ENTPD7: variants seen among roughly 807,000 people sequenced by gnomAD.
The protein encoded by ENTPD7 is NTPDase 7.
In ENTPD7, 53 loss-of-function variants were observed where a neutral mutation model predicts 77.9. The observed-to-expected ratio is 0.68, with a 90% confidence interval of 0.55 to 0.85. The LOEUF is 0.85. Among genes scored for constraint, ENTPD7 ranks in the 40% least tolerant of loss-of-function variants. The pLI is 0.00. For missense variants in ENTPD7, 636 were observed against 743.7 expected, an observed-to-expected ratio of 0.86 and a Z score of 1.68; for synonymous variants, 248 against 274.9, an observed-to-expected ratio of 0.90 and a Z score of 0.97.
intron 7 of ENTPD7, among the ~76,000 whole-genome samples, chr10:99,690,454 C>G (rs980323839): frequency 1.3e-5 from 2 of 151,944 alleles, no homozygotes; most frequent in Non-Finnish European, 2.9e-5. Context: ...GATTTTTATA[C>G]CTATATCCTT....
chr10:99,691,292 G>A (rs971605659), intron 7 of ENTPD7, 93 bp from the exon 8 acceptor site: 8 of 1,379,696 alleles, frequency 5.8e-6, no homozygotes, highest in South Asian at 1.4e-5. Context: ...GCACCTGCCT[G>A]CTTTCAAATT....
intron 3 of ENTPD7, among the ~76,000 whole-genome samples, chr10:99,663,980 G>A (rs965335997): frequency 1.3e-5 from 2 of 151,444 alleles, no homozygotes; most frequent in African/African-American, 4.9e-5. Flanking sequence ...TTTTCTCTCT[G>A]TGTTTCATTC....
At chr10:99,703,701 GA>G (rs2036189422) in intron 12 of ENTPD7, among the ~76,000 whole-genome samples, 1 of 152,030 alleles carries the variant, frequency 6.6e-6, no homozygotes, top group South Asian at 2.1e-4. Context: ...AGATCCTAAG[GA>G]AACATAGTAC....
chr10:99,663,308 A>G (rs936229992), intron 3 of ENTPD7, among the ~76,000 whole-genome samples: 2 of 152,002 alleles, frequency 1.3e-5, no homozygotes, highest in East Asian at 3.8e-4. Context: ...TTTGGCTTGC[A>G]TTCTTTCTGA....
At chr10:99,700,657 G>A (rs766464441) in intron 10 of ENTPD7, among the ~76,000 whole-genome samples, 10 of 152,198 alleles carry the variant, frequency 6.6e-5, no homozygotes, top group Non-Finnish European at 1.3e-4. Flanking sequence ...TGCTCTCCCT[G>A]CTCATGTCAG....
intron 5 of ENTPD7, 120 bp downstream of exon 5, chr10:99,679,995 C>T: frequency 8.5e-7 from 1 of 1,170,594 alleles, no homozygotes; most frequent in Non-Finnish European, 1.2e-6. Flanking sequence ...ATGACACAAT[C>T]ATTCATTCCC....
At chr10:99,670,652 C>T (rs1195458141) in intron 3 of ENTPD7, among the ~76,000 whole-genome samples, 2 of 152,118 alleles carry the variant, frequency 1.3e-5, no homozygotes, top group African/African-American at 4.8e-5. Flanking sequence ...GCAACTGCAA[C>T]ACAATGGTAA....
At chr10:99,663,401 A>G (rs996208142) in intron 3 of ENTPD7, among the ~76,000 whole-genome samples, 2 of 149,790 alleles carry the variant, frequency 1.3e-5, no homozygotes, top group South Asian at 4.2e-4. Flanking sequence ...TTTTCTGTTT[A>G]TCACTGGTTT....
intron 6 of ENTPD7, among the ~76,000 whole-genome samples, 197 bp downstream of exon 6, chr10:99,686,092 C>T (rs1010073699): frequency 6.6e-6 from 1 of 152,012 alleles, no homozygotes; most frequent in Non-Finnish European, 1.5e-5. Context: ...TTCTGGAAGT[C>T]AAAAATGTAT....
rs1013013737 is a variant in ENTPD7 at position 99,691,597 on chromosome 10, C to G, written c.843+79C>G. On this transcript the variant is annotated intron_variant, in intron 8 of 12. Transcript: ENST00000370489. The stretch of plus-strand genomic sequence containing the variant: ...GAAGGACACTGTCTTTGGACTTAGA[C>G]CAACCTACCTGGCTCTAAATATTTG... The G allele has an allele frequency of 8.7e-6, 13 of 1,490,356 alleles. No homozygotes were observed. The African/African-American group carries it at 1.8e-4, about 21-fold the overall frequency. The allele number at this position is 1,490,356 out of a possible 1,614,324, so 92.3% of individuals were successfully genotyped here.
intron 7 of ENTPD7, among the ~76,000 whole-genome samples, 164 bp downstream of exon 7, chr10:99,688,914 T>A (rs2035846160): frequency 6.6e-6 from 1 of 152,198 alleles, no homozygotes; most frequent in South Asian, 2.1e-4. Flanking sequence ...TCTTTTTAAC[T>A]TTTTAATATG....
chr10:99,671,946 T>C (rs1195361303), intron 3 of ENTPD7, among the ~76,000 whole-genome samples: 1 of 152,224 alleles, frequency 6.6e-6, no homozygotes, highest in Non-Finnish European at 1.5e-5. Context: ...GAAGCATTGC[T>C]TTTGGTTAGA....
In ENTPD7 at chr10:99,679,263, A is replaced by G. The variant is rs764070287; in HGVS notation, c.194A>G (p.Tyr65Cys). ...SLPRDRQYER[Y>C]LARVGELEAT... ...ATTTCTCTTTTTGCCTGACTTAGGT[A>G]TTTGGCTCGAGTAGGGGAGCTTGAA... Residue 65 changes from tyrosine (Y) to cysteine (C), a missense_variant and splice_region_variant, in exon 4 of 13, where the codon TAT becomes TGT. Transcript: ENST00000370489. 1 of 1,614,038 alleles carries G rather than the reference A, an allele frequency of 6.2e-7. No homozygotes were observed. Among genetic ancestry groups the G allele is most frequent in the African/African-American group, 1.3e-5 (1 of 75,032 alleles).
chr10:99,689,678 A>G (rs2035856596), intron 7 of ENTPD7, among the ~76,000 whole-genome samples: 1 of 152,200 alleles, frequency 6.6e-6, no homozygotes. Flanking sequence ...CTGATCAGGT[A>G]TTGAGAGTTC....
chr10:99,694,186 C>G (rs915514280), intron 8 of ENTPD7, among the ~76,000 whole-genome samples: 2 of 152,120 alleles, frequency 1.3e-5, no homozygotes, highest in Admixed American at 1.3e-4. Flanking sequence ...TTAGCAGTCA[C>G]TCCTCATTCT....
Position 99,710,545 on chromosome 10 carries a change from G to T in ENTPD7, c.*5862G>T, listed in dbSNP as rs2036349383. The T allele has an allele frequency of 1.0e-6, 1 of 985,160 alleles. No individual in the cohort carries two copies. Among genetic ancestry groups the T allele is most frequent in the Non-Finnish European group, 1.2e-6 (1 of 829,904 alleles). The allele number at this position is 985,160 out of a possible 1,614,324, so 61.0% of individuals were successfully genotyped here. A position where few individuals can be genotyped will look rare whatever the true frequency, so the allele number is the denominator to read the frequency against. On this transcript the variant is annotated 3_prime_UTR_variant, in exon 13 of 13. Transcript: ENST00000370489. ...CTGCTTCACATTAAACAATAATTTT[G>T]TTGAATTTTGAATTCTTAAAATTCT...
chr10:99,661,338 G>A (rs1006313448), intron 2 of ENTPD7, 108 bp from the exon 3 acceptor site: 7 of 875,454 alleles, frequency 8.0e-6, no homozygotes, highest in African/African-American at 1.7e-5. Flanking sequence ...GACTTCTGTT[G>A]GCATGGATTT....
intron 11 of ENTPD7, 63 bp from the exon 12 acceptor site, chr10:99,702,449 T>C: frequency 7.1e-7 from 1 of 1,414,206 alleles, no homozygotes; most frequent in Non-Finnish European, 9.4e-7. Flanking sequence ...AGTGGCTTAT[T>C]GCAAAGGAAA....
chr10:99,691,494 A>C lies in ENTPD7; in HGVS notation c.819A>C (p.Ser273=). 6.2e-7 allele frequency: 1 copy of C among 1,614,038 alleles called. No individual in the cohort carries two copies. The highest frequency in any genetic ancestry group is 8.5e-7 in the Non-Finnish European group (1 of 1,179,992). The change falls in exon 8 of 13, where the codon TCA becomes TCC. Residue 273 remains serine, a synonymous_variant. Transcript: ENST00000370489. ...AAATTGCTTATGAAGTTCCTACCTC[A>C]ACCTCTGTCCTTCCTGCAAAGCAGG... ...SLQIAYEVPT[S]TSVLPAKQEE...
Sources: gnomAD v4.1 joint callset for allele counts (sites outside exome capture counted in the v4.1 genomes callset) on GRCh38, gnomAD v4.1.1 for gene constraint, MANE v1.5 for transcripts, NCBI Gene and HGNC (gene_info 2026-07-23, HGNC 2026-07-21) for gene names.